Variants in AP1S3 observed in about 807,000 individuals in gnomAD.
AP1S3 encodes AP-1 complex subunit sigma-3.
AP1S3 carries 10 observed loss-of-function variants against 20.9 expected under a neutral mutation model. The observed-to-expected ratio is 0.48, with a 90% confidence interval of 0.29 to 0.81. The LOEUF (loss-of-function observed/expected upper bound fraction) is 0.81. AP1S3 is among the 30% of genes least tolerant of loss of function. The pLI is 0.08. For missense variants in AP1S3, 154 were observed against 183.8 expected (o/e 0.84, Z 0.94); for synonymous variants, 41 against 61.5 (o/e 0.67, Z 1.56).
At chr2:223,786,948 C>G (rs1469051577) in intron 1 of AP1S3, among the ~76,000 whole-genome samples, 1 of 151,994 alleles carries the variant, frequency 6.6e-6, no homozygotes, top group African/African-American at 2.4e-5. Context: ...GGATCTGTGT[C>G]CCCACTAAAC....
chr2:223,762,355 C>A (rs904271210), intron 4 of AP1S3, among the ~76,000 whole-genome samples: 26 of 141,862 alleles, frequency 1.8e-4, no homozygotes, highest in Admixed American at 3.0e-4. Flanking sequence ...TCACTGCAAT[C>A]TCTGCCTTCT....
chr2:223,791,211 G>T (rs966261554), intron 1 of AP1S3, among the ~76,000 whole-genome samples: 2 of 152,152 alleles, frequency 1.3e-5, no homozygotes, highest in African/African-American at 2.4e-5. Flanking sequence ...AAACCTGGCA[G>T]AGACACAACA....
At chr2:223,822,875 C>G (rs894824861) in intron 1 of AP1S3, among the ~76,000 whole-genome samples, 4 of 151,034 alleles carry the variant, frequency 2.6e-5, no homozygotes, top group African/African-American at 9.8e-5. Context: ...ATAAGGAACT[C>G]AAACAACTCA....
At chr2:223,812,374 A>C (rs1230425944) in intron 1 of AP1S3, among the ~76,000 whole-genome samples, 1 of 152,178 alleles carries the variant, frequency 6.6e-6, no homozygotes, top group Non-Finnish European at 1.5e-5. Flanking sequence ...GGCACGCGCC[A>C]CCACGCCTGG....
At chr2:223,787,098 G>GT (rs1691095850) in intron 1 of AP1S3, among the ~76,000 whole-genome samples, 1 of 152,088 alleles carries the variant, frequency 6.6e-6, no homozygotes, top group African/African-American at 2.4e-5. Flanking sequence ...GTGAGTTATT[G>GT]TGAGATCTGG....
At chr2:223,770,726 C>CTTTTTTTTTTTTTTTTTT (rs1194728092) in intron 3 of AP1S3, among the ~76,000 whole-genome samples, 5 of 76,630 alleles carry the variant, frequency 6.5e-5, no homozygotes, top group Non-Finnish European at 8.5e-5. Context: ...TAGACCAGTT[C>CTTTTTTTTTTTTTTTTTT]ATTTTTTTTT....
At chr2:223,808,159 G>C (rs1691631326) in intron 1 of AP1S3, among the ~76,000 whole-genome samples, 1 of 152,144 alleles carries the variant, frequency 6.6e-6, no homozygotes, top group Admixed American at 6.6e-5. Flanking sequence ...AGTGAACAGA[G>C]CTGGTATAAG....
intron 1 of AP1S3, among the ~76,000 whole-genome samples, chr2:223,778,100 A>C (rs1008073765): frequency 6.6e-6 from 1 of 151,434 alleles, no homozygotes. Flanking sequence ...GAGAAAAATA[A>C]GTTTTTTTTT....
intron 1 of AP1S3, among the ~76,000 whole-genome samples, chr2:223,801,407 C>T (rs752835652): frequency 4.5e-4 from 68 of 152,146 alleles, no homozygotes; most frequent in Non-Finnish European, 9.0e-4. Context: ...TGGCCTTGCC[C>T]ACTTTTAAAG....
intron 1 of AP1S3, among the ~76,000 whole-genome samples, chr2:223,818,488 G>A (rs537520029): frequency 3.8e-4 from 57 of 151,982 alleles, no homozygotes; most frequent in African/African-American, 1.3e-3. Flanking sequence ...TAGGCATCCT[G>A]GAAGCATATG....
At chr2:223,805,352 A>G (rs1330022386) in intron 1 of AP1S3, among the ~76,000 whole-genome samples, 1 of 152,136 alleles carries the variant, frequency 6.6e-6, no homozygotes, top group African/African-American at 2.4e-5. Flanking sequence ...CAGAGGCAGG[A>G]GAATCGCTTG....
chr2:223,778,228 C>T (rs12988127), intron 1 of AP1S3, among the ~76,000 whole-genome samples: 19,290 of 151,814 alleles, frequency 0.13, 1,660 homozygotes, highest in Non-Finnish European at 0.18. Context: ...TGGGTTCAAG[C>T]GATTCTCCTG....
chr2:223,779,192 G>T (rs894889937), intron 1 of AP1S3, among the ~76,000 whole-genome samples: 3 of 152,168 alleles, frequency 2.0e-5, no homozygotes, highest in Non-Finnish European at 4.4e-5. Flanking sequence ...TAATGGTAAT[G>T]AATTTTAAAA....
intron 1 of AP1S3, among the ~76,000 whole-genome samples, chr2:223,826,648 A>G (rs1383477942): frequency 6.6e-6 from 1 of 151,932 alleles, no homozygotes; most frequent in Non-Finnish European, 1.5e-5. Flanking sequence ...TTTCATAGAG[A>G]TGCTTTTTTG....
chr2:223,803,359 C>A (rs1221605926), intron 1 of AP1S3, among the ~76,000 whole-genome samples: 1 of 152,184 alleles, frequency 6.6e-6, no homozygotes, highest in African/African-American at 2.4e-5. Context: ...CTATCAATTT[C>A]ATGGCACAAT....
chr2:223,791,871 CTGT>C (rs1691222862), intron 1 of AP1S3, among the ~76,000 whole-genome samples: 22 of 152,114 alleles, frequency 1.4e-4, no homozygotes, highest in Admixed American at 1.4e-3. Flanking sequence ...AATCACTAGC[CTGT>C]TGTTGGTGAA....
rs1690274389 is a variant in AP1S3 at position 223,758,347 on chromosome 2, C to A, written c.*368G>T. ...ATCATATATACTTTACATTCAAAAT[C>A]ATGGATTATTACAATATTGTGTCAA... On this transcript the variant is annotated 3_prime_UTR_variant, in exon 5 of 5. Coordinates refer to ENST00000396654, the MANE Select transcript of AP1S3 (RefSeq NM_001039569.2). 1.0e-6 allele frequency: 1 copy of A among 1,003,258 alleles called. No individual in the cohort carries two copies. The highest frequency in any genetic ancestry group is 1.2e-6 in the Non-Finnish European group (1 of 840,896). 62.1% of individuals were successfully genotyped at this position (1,003,258 alleles called of 1,614,324 possible). A position where few individuals can be genotyped will look rare whatever the true frequency, so the allele number is the denominator to read the frequency against.
At chr2:223,816,910 C>T (rs1562297) in intron 1 of AP1S3, among the ~76,000 whole-genome samples, 53,205 of 151,998 alleles carry the variant, frequency 0.35, 9,692 homozygotes, top group Middle Eastern at 0.43. Context: ...AGTGGATCAC[C>T]TGAGGTCAGG....
intron 1 of AP1S3, among the ~76,000 whole-genome samples, chr2:223,801,165 T>C (rs1012614267): frequency 3.9e-5 from 6 of 152,218 alleles, no homozygotes; most frequent in Admixed American, 1.3e-4. Flanking sequence ...AAGAAGCACA[T>C]TACACACAGT....
Sources: gnomAD v4.1 joint callset for allele counts (sites outside exome capture counted in the v4.1 genomes callset) on GRCh38, gnomAD v4.1.1 for gene constraint, MANE v1.5 for transcripts, NCBI Gene and HGNC (gene_info 2026-07-23, HGNC 2026-07-21) for gene names.